TPST1: variants seen among roughly 807,000 people sequenced by gnomAD.
The protein encoded by TPST1 is protein-tyrosine sulfotransferase 1.
TPST1 carries 20 observed loss-of-function variants against 34.8 expected under a neutral mutation model. The ratio of observed to expected loss-of-function variants is 0.57; its 90% CI spans 0.40 to 0.84. The LOEUF (loss-of-function observed/expected upper bound fraction) is 0.84. Ranked by LOEUF, TPST1 falls within the 40% of genes least tolerant of loss-of-function variation. The probability of loss-of-function intolerance (pLI) is 0.00; values close to 1 mark genes in which losing one functional copy is unlikely to be tolerated. For synonymous variants in TPST1, 152 were observed against 159.4 expected (o/e 0.95, Z 0.35); for missense variants, 353 against 455.5 (o/e 0.78, Z 2.05).
chr7:66,252,294 G>A (rs1251197410), intron 2 of TPST1, among the ~76,000 whole-genome samples: 2 of 149,912 alleles, frequency 1.3e-5, no homozygotes, highest in East Asian at 2.0e-4. Context: ...TCCTGACCTC[G>A]TGATCTACCC....
chr7:66,352,856 G>T, intron 4 of TPST1: 1 of 985,420 alleles, frequency 1.0e-6, no homozygotes, highest in Non-Finnish European at 1.2e-6. Flanking sequence ...AGTGGGTAAA[G>T]CTGCTCCAGC....
intron 2 of TPST1, among the ~76,000 whole-genome samples, chr7:66,273,027 G>A (rs1452841859): frequency 6.6e-6 from 1 of 152,118 alleles, no homozygotes; most frequent in Admixed American, 6.5e-5. Flanking sequence ...CTTACATATA[G>A]AAAGTCCTAA....
chr7:66,347,636 C>T (rs1466593267), intron 3 of TPST1, among the ~76,000 whole-genome samples: 3 of 152,136 alleles, frequency 2.0e-5, no homozygotes, highest in Non-Finnish European at 4.4e-5. Flanking sequence ...ATTCTTTTTG[C>T]TCAGGATAGC....
chr7:66,345,790 A>G lies in TPST1; in HGVS notation c.1045-6715A>G, dbSNP rs539146387. ...ATAATCACATCAGGATGAATGAGGT[A>G]TCTGTCACCTCAAGCATTTATCATT... On this transcript the variant is annotated intron_variant, in intron 3 of 5. Coordinates refer to ENST00000304842, the MANE Select transcript of TPST1 (RefSeq NM_003596.4). Among the ~76,000 whole-genome samples the G allele has an allele frequency of 2.0e-5, 3 of 152,220 alleles. No individual in the cohort carries two copies. The South Asian group carries it at 6.2e-4, about 32-fold the overall frequency.
intron 3 of TPST1, among the ~76,000 whole-genome samples, chr7:66,342,517 G>A (rs774016196): frequency 5.9e-5 from 9 of 152,208 alleles, no homozygotes; most frequent in Non-Finnish European, 1.2e-4. Flanking sequence ...AGTCCATCTT[G>A]CATTGCTAAA....
chr7:66,234,782 T>G (rs1006762006), intron 1 of TPST1, among the ~76,000 whole-genome samples: 7 of 150,476 alleles, frequency 4.7e-5, no homozygotes, highest in African/African-American at 1.5e-4. Flanking sequence ...GTTCATGCCA[T>G]TCTCCTGCCT....
At chr7:66,322,302 T>C (rs925910310) in intron 3 of TPST1, among the ~76,000 whole-genome samples, 7 of 152,182 alleles carry the variant, frequency 4.6e-5, no homozygotes, top group African/African-American at 1.7e-4. Flanking sequence ...ATCTCAGTAG[T>C]GTTAAACATA....
chr7:66,224,082 G>A (rs1253164590), intron 1 of TPST1, among the ~76,000 whole-genome samples: 1 of 152,040 alleles, frequency 6.6e-6, no homozygotes, highest in Non-Finnish European at 1.5e-5. Context: ...TTTGCTACTC[G>A]TTAGTGGGTC....
At chr7:66,232,856 T>C (rs1789827186) in intron 1 of TPST1, among the ~76,000 whole-genome samples, 2 of 152,172 alleles carry the variant, frequency 1.3e-5, no homozygotes. Flanking sequence ...AGGGTTCTAA[T>C]TTAACCACAT....
chr7:66,214,180 C>T (rs1256742231), intron 1 of TPST1, among the ~76,000 whole-genome samples: 1 of 152,074 alleles, frequency 6.6e-6, no homozygotes, highest in Non-Finnish European at 1.5e-5. Flanking sequence ...TTATCCTCAA[C>T]TCTCCTACTC....
In TPST1 at chr7:66,301,993, A is replaced by G. The variant is rs1472637151; in HGVS notation, c.1044+15284A>G. Among the ~76,000 whole-genome samples the G allele has an allele frequency of 2.0e-5, 3 of 152,372 alleles. No individual in the cohort carries two copies. In the East Asian group the frequency reaches 5.8e-4, roughly 29 times the overall value. ...TCTGCAAAGCACAATGAAATGAGGT[A>G]TGCCTGTACTCATTTGCTTCTTCAC... On this transcript the variant is annotated intron_variant, in intron 3 of 5. Transcript: ENST00000304842.
intron 1 of TPST1, among the ~76,000 whole-genome samples, chr7:66,218,059 A>G (rs1474995204): frequency 6.6e-6 from 1 of 151,714 alleles, no homozygotes; most frequent in Admixed American, 6.6e-5. Context: ...TTTGTGTTTT[A>G]TTAGAGACAA....
rs558787990 is a variant in TPST1 at position 66,335,853 on chromosome 7, T to C, written c.1045-16652T>C. ...CTGCAAAACCTAGAAGAAATGGCTG[T>C]GTCCTCAAATGTGCAAGCATCAACA... On this transcript the variant is annotated intron_variant, in intron 3 of 5. Transcript: ENST00000304842. Among the ~76,000 whole-genome samples, 8 of 152,288 alleles carry C rather than the reference T, an allele frequency of 5.3e-5. 1 individual carries two copies. The South Asian group carries it at 1.7e-3, about 32-fold the overall frequency.
chr7:66,233,455 G>C (rs1251728002), intron 1 of TPST1, among the ~76,000 whole-genome samples: 1 of 152,098 alleles, frequency 6.6e-6, no homozygotes, highest in Admixed American at 6.5e-5. Context: ...TTGCTGAGAA[G>C]ACTCTTATTT....
intron 1 of TPST1, among the ~76,000 whole-genome samples, chr7:66,208,106 A>G (rs948764548): frequency 2.0e-5 from 3 of 152,084 alleles, no homozygotes; most frequent in South Asian, 4.1e-4. Flanking sequence ...TGAACTATCA[A>G]TCTGATCATG....
At chr7:66,208,170 G>A (rs145198139) in intron 1 of TPST1, among the ~76,000 whole-genome samples, 392 of 152,276 alleles carry the variant, frequency 2.6e-3, no homozygotes, top group African/African-American at 8.9e-3. Context: ...AGCATGTTGA[G>A]CCAGTCCTTC....
chr7:66,233,737 C>T (rs747306199), intron 1 of TPST1, among the ~76,000 whole-genome samples: 4 of 152,182 alleles, frequency 2.6e-5, no homozygotes, highest in Non-Finnish European at 4.4e-5. Context: ...TACCTGACTA[C>T]GTCTATCATA....
At chr7:66,314,460 C>T (rs756399803) in intron 3 of TPST1, among the ~76,000 whole-genome samples, 1 of 152,170 alleles carries the variant, frequency 6.6e-6, no homozygotes, top group Non-Finnish European at 1.5e-5. Context: ...CTGCAGTGAG[C>T]TGAGATTGCA....
chr7:66,317,008 G>A (rs1329967613), intron 3 of TPST1, among the ~76,000 whole-genome samples: 2 of 152,090 alleles, frequency 1.3e-5, no homozygotes, highest in Non-Finnish European at 2.9e-5. Flanking sequence ...AATCTGTACA[G>A]CAAACCCCCA....
Sources: allele counts gnomAD v4.1 joint callset (sites outside exome capture counted in the v4.1 genomes callset), GRCh38; gene constraint gnomAD v4.1.1; transcripts MANE v1.5; gene names NCBI Gene and HGNC (gene_info 2026-07-23, HGNC 2026-07-21).